Variants in ALOX15B observed in about 807,000 individuals in gnomAD.
The protein encoded by ALOX15B is polyunsaturated fatty acid lipoxygenase ALOX15B.
Under a neutral mutation model 73.8 loss-of-function variants are expected in ALOX15B, and 74 were observed. The ratio of observed to expected loss-of-function variants is 1.00; its 90% CI spans 0.83 to 1.22. The LOEUF is 1.22. ALOX15B is among the 50% of genes most tolerant of loss of function. The probability of loss-of-function intolerance (pLI) is 0.00; values close to 1 mark genes in which losing one functional copy is unlikely to be tolerated. For synonymous variants in ALOX15B, 353 were observed against 357.2 expected, an observed-to-expected ratio of 0.99 and a Z score of 0.13; for missense variants, 896 against 859.9, an observed-to-expected ratio of 1.04 and a Z score of -0.52.
chr17:8,040,169 C>A (rs138093989), intron 3 of ALOX15B, among the ~76,000 whole-genome samples, 186 bp downstream of exon 3: 1 of 152,168 alleles, frequency 6.6e-6, no homozygotes, highest in African/African-American at 2.4e-5. Context: ...CAACCTACTA[C>A]GACACTGAGG....
intron 5 of ALOX15B, among the ~76,000 whole-genome samples, chr17:8,044,151 G>GGAAA (rs1555639011): frequency 0.039 from 4,479 of 114,206 alleles, 619 homozygotes; most frequent in African/African-American, 0.09. Context: ...AAGGAAGGAA[G>GGAAA]GAAAGAAAGA....
chr17:8,046,969 C>T lies in ALOX15B; in HGVS notation c.1350C>T (p.Asn450=). The change falls in exon 10 of 14, where the codon AAC becomes AAT. Residue 450 remains asparagine, a synonymous_variant. Coordinates refer to ENST00000380183, the MANE Select transcript of ALOX15B (RefSeq NM_001141.3). The stretch of plus-strand genomic sequence containing the variant: ...TACAGAGGAACATGAAGCAGCTGAA[C>T]TATTCTCTCCTGTGTCTGCCTGAGG... ...ELIQRNMKQL[N]YSLLCLPEDI... 3 of 1,614,186 alleles carry T rather than the reference C, an allele frequency of 1.9e-6. No homozygotes were observed. Among genetic ancestry groups the T allele is most frequent in the South Asian group, 1.1e-5 (1 of 91,090 alleles).
Position 8,039,089 on chromosome 17 carries a change from G to C in ALOX15B, c.-67G>C. On this transcript the variant is annotated 5_prime_UTR_variant, in exon 1 of 14. Coordinates refer to ENST00000380183, the MANE Select transcript of ALOX15B (RefSeq NM_001141.3). ...CAATAACCAGGGGCAATAACCAGGC[G>C]TGTCCCAGGGGGGAGCCCCGCTCTG... The C allele has an allele frequency of 3.2e-6, 5 of 1,560,026 alleles. No individual in the cohort carries two copies. The highest frequency in any genetic ancestry group is 4.3e-6 in the Non-Finnish European group (5 of 1,156,674).
At position 8,039,428 on chromosome 17, in the gene ALOX15B, GTGC is replaced by G. The variant is rs774131336; in HGVS notation, c.200_202del (p.Leu67del). ...GACGCTCCCGGAGGACGTAGGCCGA[GTGC>G]TGCTGCTGCGCGTGCACAAGGCGCC... On this transcript the variant is annotated inframe_deletion, in exon 2 of 14. Coordinates refer to ENST00000380183, the MANE Select transcript of ALOX15B (RefSeq NM_001141.3). The G allele has an allele frequency of 6.2e-7, 1 of 1,612,618 alleles. No individual in the cohort carries two copies. Among genetic ancestry groups the G allele is most frequent in the Non-Finnish European group, 8.5e-7 (1 of 1,179,576 alleles).
chr17:8,047,086 C>A lies in ALOX15B; in HGVS notation c.1457+10C>A. Reference sequence around the variant, plus strand: ...GGGGTGCAGTGGAACGGTGAGGGGCCGTCCCTGGAGAGCCGAGGGCTGGTC... The same window carrying A: ...GGGGTGCAGTGGAACGGTGAGGGGCAGTCCCTGGAGAGCCGAGGGCTGGTC... On this transcript the variant is annotated intron_variant, in intron 10 of 13. Coordinates refer to ENST00000380183, the MANE Select transcript of ALOX15B (RefSeq NM_001141.3). The A allele has an allele frequency of 6.2e-7, 1 of 1,613,128 alleles. No homozygotes were observed. Among genetic ancestry groups the A allele is most frequent in the Admixed American group, 1.7e-5 (1 of 60,002 alleles).
intron 3 of ALOX15B, among the ~76,000 whole-genome samples, chr17:8,040,631 GAA>G (rs1393208879): frequency 1.5e-5 from 2 of 130,460 alleles, no homozygotes; most frequent in Non-Finnish European, 3.6e-5. Flanking sequence ...AAGAAAGAAA[GAA>G]AGAAAGAAAG....
chr17:8,047,696 C>T, intron 12 of ALOX15B, 32 bp downstream of exon 12: 1 of 1,613,764 alleles, frequency 6.2e-7, no homozygotes, highest in East Asian at 2.2e-5. Context: ...AGGTGGCAGG[C>T]TGGAGGTGAC....
intron 5 of ALOX15B, 129 bp downstream of exon 5, chr17:8,043,013 T>G (rs1976504365): frequency 4.3e-6 from 3 of 702,334 alleles, no homozygotes; most frequent in Non-Finnish European, 7.2e-6. Context: ...AGACCTTACT[T>G]TTCCCCACAG....
chr17:8,045,770 ATG>A (rs1976592991), intron 8 of ALOX15B, 84 bp downstream of exon 8: 1 of 1,455,468 alleles, frequency 6.9e-7, no homozygotes, highest in Non-Finnish European at 9.4e-7. Flanking sequence ...GGCCCTATCC[ATG>A]CAAGCTGGGA....
intron 8 of ALOX15B, among the ~76,000 whole-genome samples, chr17:8,045,919 G>A (rs944061874): frequency 7.9e-5 from 12 of 152,046 alleles, no homozygotes; most frequent in Non-Finnish European, 1.3e-4. Context: ...ATCAACAGCC[G>A]TCATAGAAGC....
In ALOX15B at chr17:8,046,762, C is replaced by T. The variant is rs1976620479; in HGVS notation, c.1287+8C>T. ...GGGCAGGTGGTGGACAGGGTGAGAG[C>T]TGTGTTGGGGAGGGAGTAGGCAGGC... On this transcript the variant is annotated splice_region_variant and intron_variant, in intron 9 of 13. Coordinates refer to ENST00000380183, the MANE Select transcript of ALOX15B (RefSeq NM_001141.3). 3.1e-6 allele frequency: 5 copies of T among 1,613,418 alleles called. No homozygotes were observed. Among genetic ancestry groups the T allele is most frequent in the Non-Finnish European group, 4.2e-6 (5 of 1,179,790 alleles).
At chr17:8,041,602 A>G (rs1001547213) in intron 3 of ALOX15B, among the ~76,000 whole-genome samples, 5 of 152,262 alleles carry the variant, frequency 3.3e-5, no homozygotes, top group Admixed American at 3.3e-4. Flanking sequence ...TGAAGTTGAA[A>G]GCTCAAACCC....
chr17:8,040,991 T>G (rs1231761492), intron 3 of ALOX15B, among the ~76,000 whole-genome samples: 1 of 152,178 alleles, frequency 6.6e-6, no homozygotes, highest in Admixed American at 6.5e-5. Context: ...CCAACTCATC[T>G]GCTATCTAAA....
At chr17:8,044,785 A>AC in intron 5 of ALOX15B, 44 bp from the exon 6 acceptor site, 1 of 1,079,552 alleles carries the variant, frequency 9.3e-7, no homozygotes, top group East Asian at 4.0e-5. Context: ...CCTGCAAAGC[A>AC]CGCATTTGAG....
At chr17:8,042,907 C>G (rs1598163140) in intron 5 of ALOX15B, 23 bp downstream of exon 5, 1 of 1,534,376 alleles carries the variant, frequency 6.5e-7, no homozygotes, top group Non-Finnish European at 8.8e-7. Flanking sequence ...GGCCAGGGAT[C>G]CTGACCTCTT....
At position 8,048,407 on chromosome 17, in the gene ALOX15B, G is replaced by C. The variant is rs748534718; in HGVS notation, c.1873G>C (p.Asp625His). Reference sequence around the variant, plus strand: ...TCAGAGGCCCCTGGGCACCTATCCGGATGAGCACTTCACAGAGGAGGCCCC... The same window carrying C: ...TCAGAGGCCCCTGGGCACCTATCCGCATGAGCACTTCACAGAGGAGGCCCC... ...GDQRPLGTYPDEHFTEEAPRR... is the reference protein window; with the variant it reads ...GDQRPLGTYPHEHFTEEAPRR... The change falls in exon 14 of 14, where the codon GAT becomes CAT. Residue 625 changes from aspartate to histidine, a missense_variant. Transcript: ENST00000380183. 4 of 1,613,594 alleles carry C rather than the reference G, an allele frequency of 2.5e-6. No homozygotes were observed. Among genetic ancestry groups the C allele is most frequent in the Non-Finnish European group, 3.4e-6 (4 of 1,179,780 alleles).
At chr17:8,044,108 G>GAAGGAAGA (rs1976534954) in intron 5 of ALOX15B, among the ~76,000 whole-genome samples, 1 of 97,384 alleles carries the variant, frequency 1.0e-5, no homozygotes, top group Admixed American at 9.1e-5. Flanking sequence ...AGAGAGAGAG[G>GAAGGAAGA]AAGGAAGGAA....
rs1386125121 is a variant in ALOX15B at position 8,045,590 on chromosome 17, T to G, written c.1104T>G (p.His368Gln). ...TGCGCAATGCCGAGTTCTCCTTCCA[T>G]GAGGCCCTCACGCACCTGCTGCACT... ...TWVRNAEFSFHEALTHLLHSH... is the reference protein window; with the variant it reads ...TWVRNAEFSFQEALTHLLHSH... Residue 368 changes from histidine (H) to glutamine (Q), a missense_variant, in exon 8 of 14, where the codon CAT becomes CAG. Physicochemically the swap from His to Gln is conservative, Grantham distance 24 (BLOSUM62 0). Transcript: ENST00000380183. The G allele has an allele frequency of 6.2e-7, 1 of 1,614,210 alleles. No homozygotes were observed. Among genetic ancestry groups the G allele is most frequent in the East Asian group, 2.2e-5 (1 of 44,888 alleles).
intron 6 of ALOX15B, 77 bp from the exon 7 acceptor site, chr17:8,045,161 A>T: frequency 1.9e-6 from 3 of 1,606,558 alleles, no homozygotes; most frequent in South Asian, 2.2e-5. Flanking sequence ...CCCAGCCCTG[A>T]ATCCTCTCCC....
Sources: gnomAD v4.1 joint callset for allele counts (sites outside exome capture counted in the v4.1 genomes callset) on GRCh38, gnomAD v4.1.1 for gene constraint, MANE v1.5 for transcripts, NCBI Gene and HGNC (gene_info 2026-07-23, HGNC 2026-07-21) for gene names.